PNPLA7: variants seen among roughly 807,000 people sequenced by gnomAD.
PNPLA7 encodes the protein patatin like domain 7, lysophospholipase.
PNPLA7 carries 153 observed loss-of-function variants against 161.7 expected under a neutral mutation model. The observed-to-expected ratio is 0.95, with a 90% CI of 0.83 to 1.08. The LOEUF is 1.08. Ranked by LOEUF, PNPLA7 falls within the 50% of genes least tolerant of loss-of-function variation. PNPLA7 has a pLI of 0.00. For missense variants in PNPLA7, 1,739 were observed against 1,856.6 expected (o/e 0.94, Z 1.16); for synonymous variants, 809 against 782.1 (o/e 1.03, Z -0.57).
At position 137,493,073 on chromosome 9, in the gene PNPLA7, G is replaced by A. The variant is rs767398426; in HGVS notation, c.2137C>T (p.Arg713Trp). 7.4e-6 allele frequency: 12 copies of A among 1,613,798 alleles called. No homozygotes were observed. The Admixed American group carries it at 1.2e-4, about 16-fold the overall frequency. The change falls in exon 20 of 35, where the codon CGG becomes TGG. Residue 713 changes from arginine to tryptophan, a missense_variant. This residue lies in a region of PNPLA7 where 192 missense variants were observed against 249.5 expected (regional missense o/e 0.77). Transcript: ENST00000406427. The part of the protein sequence containing the change: ...IKRRYPQVVT[R>W]LIHLLGEKIL... ...TTCTCACCCAAGAGATGAATCAGCC[G>A]AGTCACCACCTGCGGGCAGACACAG...
Position 137,543,434 on chromosome 9 carries a change from A to G in PNPLA7, c.504T>C (p.Val168=). The change falls in exon 6 of 35, where the codon GTT becomes GTC. Residue 168 remains valine, a splice_region_variant and synonymous_variant. Coordinates refer to ENST00000406427, the MANE Select transcript of PNPLA7 (RefSeq NM_001098537.3). This position sits in a 1 kb window ranked among gnomAD's most constrained non-coding sequence, Gnocchi z 6.9. ...CCGGGGCTCATCCCCGCTCTTACCG[A>G]ACGTTTTTCAGCATGTACAGAACTT... is the stretch of plus-strand genomic sequence containing the variant. ...PSEVLYMLKN[V]RVLGHFEKPL... The G allele has an allele frequency of 6.2e-7, 1 of 1,614,000 alleles. No individual in the cohort carries two copies. Among genetic ancestry groups the G allele is most frequent in the Non-Finnish European group, 8.5e-7 (1 of 1,180,012 alleles).
chr9:137,491,480 G>T (rs1213478608), intron 20 of PNPLA7: 29 of 980,814 alleles, frequency 3.0e-5, no homozygotes, highest in Non-Finnish European at 3.4e-5. Flanking sequence ...CACGGTGCCG[G>T]TAAGTGGAGA....
chr9:137,461,984 G>A lies in PNPLA7; in HGVS notation c.3703C>T (p.Leu1235=), dbSNP rs1204752800. 6.2e-7 allele frequency: 1 copy of A among 1,601,562 alleles called. No individual in the cohort carries two copies. Among genetic ancestry groups the A allele is most frequent in the Admixed American group, 1.7e-5 (1 of 59,238 alleles). The change falls in exon 32 of 35, where the codon CTG becomes TTG. Residue 1235 remains leucine, a synonymous_variant. Coordinates refer to ENST00000406427, the MANE Select transcript of PNPLA7 (RefSeq NM_001098537.3). ...VFDIWGRSGV[L]EKMLRDQQGP... ...TGCTGGTCGCGGAGCATCTTCTCCAGCACGCCGCTGCGGCCCCAGATGTCA... is the reference window on the plus strand; with the variant it reads ...TGCTGGTCGCGGAGCATCTTCTCCAACACGCCGCTGCGGCCCCAGATGTCA...
chr9:137,523,540 G>A lies in PNPLA7; in HGVS notation c.748-683C>T, dbSNP rs73569719. Among the ~76,000 whole-genome samples the A allele has an allele frequency of 3.7e-3, 560 of 152,304 alleles. 2 individuals carry two copies. Among genetic ancestry groups the A allele is most frequent in the African/African-American group, 0.013 (543 of 41,550 alleles). On this transcript the variant is annotated intron_variant, in intron 8 of 34. Transcript: ENST00000406427. The surrounding 1 kb of genome is among the most constrained non-coding windows in gnomAD (Gnocchi z 4.4). ...CTGTTTTTAAATCACGCTGTGATCT[G>A]CATGCAGGCAGATTCTTCTGGAAAC...
intron 1 of PNPLA7, among the ~76,000 whole-genome samples, chr9:137,549,949 C>G (rs1436266889): frequency 6.6e-6 from 1 of 152,218 alleles, no homozygotes; most frequent in African/African-American, 2.4e-5. Context: ...GCCCATGGGC[C>G]ACCACTGGCT....
chr9:137,543,869 GCT>G lies in PNPLA7; in HGVS notation c.274-56_274-55del, dbSNP rs1836348159. 1.3e-6 allele frequency: 2 copies of G among 1,484,958 alleles called. No homozygotes were observed. Among genetic ancestry groups the G allele is most frequent in the Admixed American group, 3.4e-5 (2 of 59,666 alleles). The allele number at this position is 1,484,958 out of a possible 1,614,324, so 92.0% of individuals were successfully genotyped here. A position where few individuals can be genotyped will look rare whatever the true frequency, so the allele number is the denominator to read the frequency against. On this transcript the variant is annotated intron_variant, in intron 4 of 34. Coordinates refer to ENST00000406427, the MANE Select transcript of PNPLA7 (RefSeq NM_001098537.3). This position sits in a 1 kb window ranked among gnomAD's most constrained non-coding sequence, Gnocchi z 6.9. ...TGACCCTGCAAGCCGCAAGGTCCAA[GCT>G]CTTTGCCATGGGGATCAGTCCTCAG...
rs1424029795 is a variant in PNPLA7 at position 137,543,115 on chromosome 9, G to A, written c.507-314C>T. ...CAGGGAGCGGAAGGGGTGCAGTCCA[G>A]GGGCCAGGCAGCAAGACAGGAGCAC... On this transcript the variant is annotated intron_variant, in intron 6 of 34. Transcript: ENST00000406427. This position sits in a 1 kb window ranked among gnomAD's most constrained non-coding sequence, Gnocchi z 6.9. 1.3e-5 allele frequency among the ~76,000 whole-genome samples: 2 copies of A among 152,192 alleles called. No homozygotes were observed. The highest frequency in any genetic ancestry group is 2.9e-5 in the Non-Finnish European group (2 of 68,036).
intron 16 of PNPLA7, among the ~76,000 whole-genome samples, chr9:137,498,628 G>A (rs1237401101): frequency 6.6e-6 from 1 of 152,228 alleles, no homozygotes; most frequent in African/African-American, 2.4e-5. Context: ...GGCACCAGCA[G>A]GCAAAGGCAG....
chr9:137,526,211 C>T (rs1447177809), intron 8 of PNPLA7, among the ~76,000 whole-genome samples: 1 of 152,196 alleles, frequency 6.6e-6, no homozygotes, highest in African/African-American at 2.4e-5. Context: ...TGGCATAGCT[C>T]AAGGACACGG....
intron 29 of PNPLA7, 151 bp from the exon 30 acceptor site, chr9:137,462,984 G>T: frequency 9.6e-7 from 1 of 1,041,980 alleles, no homozygotes; most frequent in Middle Eastern, 2.7e-4. Context: ...CACATGCCCA[G>T]CTCGATGGGC....
At position 137,463,454 on chromosome 9, in the gene PNPLA7, G is replaced by A; in HGVS notation, c.3304C>T (p.His1102Tyr). 1.2e-6 allele frequency: 2 copies of A among 1,600,794 alleles called. No homozygotes were observed. The highest frequency in any genetic ancestry group is 1.1e-5 in the South Asian group (1 of 88,678). ...MPPLCDPKDG[H>Y]LLMDGGYINN... ...ATGTAGCCCCCGTCCATCAGCAGGTGTCCGTCCTTCGGGTCACAGAGAGGG... is the reference window on the plus strand; with the variant it reads ...ATGTAGCCCCCGTCCATCAGCAGGTATCCGTCCTTCGGGTCACAGAGAGGG... Residue 1102 changes from histidine (H) to tyrosine (Y), a missense_variant, in exon 29 of 35, where the codon CAC (histidine) becomes TAC (tyrosine). Physicochemically the swap from His to Tyr is moderately conservative, Grantham distance 83. Transcript: ENST00000406427.
rs1399268078 is a variant in PNPLA7, at chr9:137,523,834, G to T, written c.748-977C>A. On this transcript the variant is annotated intron_variant, in intron 8 of 34. Coordinates refer to ENST00000406427, the MANE Select transcript of PNPLA7 (RefSeq NM_001098537.3). The surrounding 1 kb of genome is among the most constrained non-coding windows in gnomAD (Gnocchi z 4.4). ...TTTAGTAGAGACAGGGTTTCACTGT[G>T]TTAGCCAGGAGGGTCTCGATCTCCT... Among the ~76,000 whole-genome samples, 10 of 152,082 alleles carry T rather than the reference G, an allele frequency of 6.6e-5. No individual in the cohort carries two copies. The highest frequency in any genetic ancestry group is 1.0e-4 in the Non-Finnish European group (7 of 68,018).
chr9:137,497,170 C>A lies in PNPLA7; in HGVS notation c.2013+17G>T. On this transcript the variant is annotated intron_variant, in intron 18 of 34. Transcript: ENST00000406427. ...GATGCAGAGGTGGGGGAGGCAGGAG[C>A]AGGGCCCAGCACCTACCACGCCGAC... 6.5e-7 allele frequency: 1 copy of A among 1,537,674 alleles called. No individual in the cohort carries two copies. The highest frequency in any genetic ancestry group is 8.8e-7 in the Non-Finnish European group (1 of 1,142,488).
intron 16 of PNPLA7, 101 bp from the exon 17 acceptor site, chr9:137,498,346 C>T (rs2132267967): frequency 6.6e-7 from 1 of 1,521,386 alleles, no homozygotes. Flanking sequence ...AACCCCCACC[C>T]CACCCGGAAA....
intron 25 of PNPLA7, among the ~76,000 whole-genome samples, chr9:137,472,981 G>C (rs1564287071): frequency 6.6e-6 from 1 of 152,052 alleles, no homozygotes; most frequent in African/African-American, 2.4e-5. Context: ...TGGTTTAATG[G>C]ACTCACAGTT....
chr9:137,520,070 C>T lies in PNPLA7; in HGVS notation c.958-27G>A. 1 of 1,610,010 alleles carries T rather than the reference C, an allele frequency of 6.2e-7. No individual in the cohort carries two copies. The highest frequency in any genetic ancestry group is 8.5e-7 in the Non-Finnish European group (1 of 1,179,292). ...TGGGACACAAGAAGGAAGTTCAGTG[C>T]CACCCCAGGAACACCCCACACCCAC... On this transcript the variant is annotated intron_variant, in intron 10 of 34. Coordinates refer to ENST00000406427, the MANE Select transcript of PNPLA7 (RefSeq NM_001098537.3). The surrounding 1 kb of genome is among the most constrained non-coding windows in gnomAD (Gnocchi z 5.2).
At chr9:137,544,811 A>G (rs937899447) in intron 4 of PNPLA7, among the ~76,000 whole-genome samples, 3 of 151,998 alleles carry the variant, frequency 2.0e-5, no homozygotes, top group Non-Finnish European at 2.9e-5. Flanking sequence ...CACAAAGCCC[A>G]GCTAATTTTT....
At chr9:137,498,404 C>A (rs1421628980) in intron 16 of PNPLA7, among the ~76,000 whole-genome samples, 159 bp from the exon 17 acceptor site, 1 of 152,260 alleles carries the variant, frequency 6.6e-6, no homozygotes, top group Admixed American at 6.5e-5. Flanking sequence ...CACCAGTCAG[C>A]TGCCTGCCCC....
At chr9:137,504,023 AAGG>A (rs1381325919) in intron 14 of PNPLA7, among the ~76,000 whole-genome samples, 4 of 102,954 alleles carry the variant, frequency 3.9e-5, no homozygotes, top group African/African-American at 1.1e-4. Context: ...GAAGAAGAAG[AAGG>A]AGGAGGAAGG....
Sources: gnomAD v4.1 joint callset for allele counts (sites outside exome capture counted in the v4.1 genomes callset) on GRCh38, gnomAD v4.1.1 for gene constraint, gnomAD v4.1.1 regional missense constraint, Gnocchi (gnomAD v3.1) non-coding constraint, MANE v1.5 for transcripts, NCBI Gene and HGNC (gene_info 2026-07-23, HGNC 2026-07-21) for gene names.